TRMT2B: variants seen among roughly 807,000 people sequenced by gnomAD.
The protein encoded by TRMT2B is tRNA (uracil-5-)-methyltransferase homolog B.
TRMT2B carries 34 observed loss-of-function variants against 39.7 expected under a neutral mutation model. The ratio of observed to expected loss-of-function variants is 0.86; its 90% CI spans 0.65 to 1.14. The LOEUF (loss-of-function observed/expected upper bound fraction) is 1.14. Ranked by LOEUF, TRMT2B falls within the 50% of genes most tolerant of loss-of-function variation. TRMT2B has a pLI of 0.00. For synonymous variants in TRMT2B, 132 were observed against 137.3 expected (o/e 0.96, Z 0.27); for missense variants, 318 against 377.2 (o/e 0.84, Z 1.30).
chrX:101,026,470 C>T (rs1423277530), intron 7 of TRMT2B, among the ~76,000 whole-genome samples: 9 of 73,784 alleles, frequency 1.2e-4, no homozygotes, highest in African/African-American at 4.7e-4. Context: ...AGCAAAACTC[C>T]GTCTCAAAAA....
the TRMT2B span, chrX:100,990,607 G>A: frequency 8.7e-7 from 1 of 1,146,578 alleles, no homozygotes; most frequent in Non-Finnish European, 1.2e-6. Context: ...AGAAGAGTGA[G>A]ATGGCATCCA....
chrX:101,027,228 GTTTC>G (rs1334820790), intron 7 of TRMT2B, among the ~76,000 whole-genome samples: 2 of 107,735 alleles, frequency 1.9e-5, no homozygotes, highest in Admixed American at 1.0e-4. Context: ...CCTTACTCCA[GTTTC>G]TTTCTTTTTT....
In TRMT2B at chrX:101,019,278, C is replaced by A; in HGVS notation, c.1288+6G>T. On this transcript the variant is annotated splice_donor_region_variant and intron_variant, in intron 12 of 13. Coordinates refer to ENST00000372936, the MANE Select transcript of TRMT2B (RefSeq NM_024917.6). ...TGGGAACATCAAAATAGCTGTTCAT[C>A]CTTACGCAGTCCGGCACGGGCTGGG... 1 of 1,211,444 alleles carries A rather than the reference C, an allele frequency of 8.3e-7. No homozygotes were observed. Among genetic ancestry groups the A allele is most frequent in the South Asian group, 1.8e-5 (1 of 56,925 alleles).
At chrX:101,039,891 G>A (rs1185667361) in intron 4 of TRMT2B, among the ~76,000 whole-genome samples, 5 of 106,225 alleles carry the variant, frequency 4.7e-5, no homozygotes, top group African/African-American at 1.7e-4. Flanking sequence ...AGAGTGAGAC[G>A]CTATCTAAAA....
At chrX:100,976,950 G>A in the TRMT2B span, among the ~76,000 whole-genome samples, 14 of 112,608 alleles carry the variant, frequency 1.2e-4, no homozygotes, top group Non-Finnish European at 2.1e-4. Flanking sequence ...GGAAATGCCC[G>A]TCTGTAAGTA....
At chrX:101,032,574 G>A (rs988594374) in intron 7 of TRMT2B, among the ~76,000 whole-genome samples, 4 of 105,048 alleles carry the variant, frequency 3.8e-5, no homozygotes, top group Middle Eastern at 4.9e-3. Flanking sequence ...GCAACAGAGC[G>A]AGACTCCATC....
the TRMT2B span, chrX:100,990,352 T>A: frequency 1.1e-6 from 1 of 931,892 alleles, no homozygotes; most frequent in Non-Finnish European, 1.3e-6. Flanking sequence ...TAAAAGAAAG[T>A]AACAGAGAAA....
chrX:101,007,527 ACGC>A (rs1245316668), downstream of TRMT2B, among the ~76,000 whole-genome samples: 1 of 110,854 alleles, frequency 9.0e-6, no homozygotes, highest in Admixed American at 9.6e-5. Context: ...ATGATGGCAC[ACGC>A]CTGTTATCCC....
rs773322305 is a variant in TRMT2B at position 101,045,457 on chromosome X, A to G, written c.-23-3145T>C. ...CAACAAGAAAGAAACTTCATCTCGA[A>G]AAAAAAAAAAAAACAATAAACAAAA... On this transcript the variant is annotated intron_variant, in intron 2 of 13. Coordinates refer to ENST00000372936, the MANE Select transcript of TRMT2B (RefSeq NM_024917.6). Among the ~76,000 whole-genome samples, 10 of 103,978 alleles carry G rather than the reference A, an allele frequency of 9.6e-5. No homozygotes were observed. In the East Asian group the frequency reaches 3.0e-3, roughly 31 times the overall value. 90.3% of individuals were successfully genotyped at this position (103,978 alleles called of 115,157 possible). A position where few individuals can be genotyped will look rare whatever the true frequency, so the allele number is the denominator to read the frequency against.
chrX:100,992,326 TGCC>T, the TRMT2B span, among the ~76,000 whole-genome samples: 1 of 111,653 alleles, frequency 9.0e-6, no homozygotes, highest in East Asian at 2.8e-4. Context: ...CAGTGGCTCA[TGCC>T]TAGCACCTTG....
chrX:101,030,553 C>A (rs1389793104), intron 7 of TRMT2B, among the ~76,000 whole-genome samples: 1 of 105,886 alleles, frequency 9.4e-6, no homozygotes, highest in Non-Finnish European at 1.9e-5. Flanking sequence ...CGGGTTCAAG[C>A]GATTCTGCCT....
intron 7 of TRMT2B, among the ~76,000 whole-genome samples, chrX:101,027,318 G>A (rs753203872): frequency 9.2e-6 from 1 of 108,449 alleles, no homozygotes; most frequent in Non-Finnish European, 1.9e-5. Flanking sequence ...TGCAACCTCC[G>A]CCTCCCGGGT....
the TRMT2B span, chrX:100,985,742 T>C: frequency 1.7e-6 from 2 of 1,211,220 alleles, no homozygotes; most frequent in Non-Finnish European, 2.2e-6. Context: ...GAACTTTCCA[T>C]CTATGACCTG....
intron 8 of TRMT2B, 101 bp downstream of exon 8, chrX:101,023,369 G>C: frequency 1.2e-6 from 1 of 846,916 alleles, no homozygotes; most frequent in South Asian, 2.4e-5. Context: ...TTCTGTGGAT[G>C]TACTGTTTCT....
intron 13 of TRMT2B, chrX:101,013,618 GGT>G (rs2086365993): frequency 8.5e-6 from 1 of 117,835 alleles, no homozygotes; most frequent in Non-Finnish European, 1.7e-5. Context: ...TGGGCGTGGT[GGT>G]GCATACCTGT....
chrX:101,025,229 C>T (rs1044422195), intron 7 of TRMT2B, among the ~76,000 whole-genome samples: 4 of 111,781 alleles, frequency 3.6e-5, no homozygotes, highest in African/African-American at 1.3e-4. Flanking sequence ...TATTACTAAG[C>T]TGCTATGATT....
At chrX:100,996,059 T>C in the TRMT2B span, among the ~76,000 whole-genome samples, 5 of 111,711 alleles carry the variant, frequency 4.5e-5, no homozygotes, top group African/African-American at 1.6e-4. Flanking sequence ...CCACTGATAA[T>C]GTGGTTCAGG....
At chrX:101,044,723 C>G (rs1347708357) in intron 2 of TRMT2B, among the ~76,000 whole-genome samples, 2 of 109,315 alleles carry the variant, frequency 1.8e-5, no homozygotes, top group Non-Finnish European at 3.8e-5. Context: ...ACCTGTAGTC[C>G]CAGCTACTCG....
At chrX:101,008,453 C>T (rs1247703112), downstream of TRMT2B, among the ~76,000 whole-genome samples, 1 of 110,625 alleles carries the variant, frequency 9.0e-6, no homozygotes, top group Non-Finnish European at 1.9e-5. Flanking sequence ...GAAACCCCAT[C>T]TCTACTAAAA....
Sources: allele counts gnomAD v4.1 joint callset (sites outside exome capture counted in the v4.1 genomes callset), GRCh38; gene constraint gnomAD v4.1.1; transcripts MANE v1.5; gene names NCBI Gene and HGNC (gene_info 2026-07-23, HGNC 2026-07-21).